ST18: variants seen among roughly 807,000 people sequenced by gnomAD.
The protein encoded by ST18 is suppression of tumorigenicity 18 protein.
Under a neutral mutation model 110.0 loss-of-function variants are expected in ST18, and 50 were observed. The observed-to-expected ratio is 0.45, with a 90% CI of 0.36 to 0.58. The LOEUF (loss-of-function observed/expected upper bound fraction) is 0.58. ST18 is among the 20% of genes least tolerant of loss of function. ST18 has a pLI of 0.00. For missense variants in ST18, 1,306 were observed against 1,280.1 expected (o/e 1.02, Z -0.31); for synonymous variants, 461 against 452.4 (o/e 1.02, Z -0.24).
chr8:52,125,296 C>G (rs2046569845), intron 23 of ST18, among the ~76,000 whole-genome samples: 1 of 151,988 alleles, frequency 6.6e-6, no homozygotes, highest in African/African-American at 2.4e-5. Context: ...TCATGTTGGG[C>G]ACAGAAGAAC....
intron 8 of ST18, among the ~76,000 whole-genome samples, chr8:52,182,083 C>A (rs2069907885): frequency 6.6e-6 from 1 of 152,142 alleles, no homozygotes; most frequent in Non-Finnish European, 1.5e-5. Context: ...AAGCCATTAT[C>A]ATGAGCCAAG....
At chr8:52,366,832 G>A (rs1196223925) in intron 2 of ST18, among the ~76,000 whole-genome samples, 1 of 152,232 alleles carries the variant, frequency 6.6e-6, no homozygotes, top group Non-Finnish European at 1.5e-5. Context: ...TTCAGGGACT[G>A]TGTGTCATTC....
intron 2 of ST18, among the ~76,000 whole-genome samples, chr8:52,284,207 G>C (rs2139208696): frequency 6.6e-6 from 1 of 152,318 alleles, no homozygotes; most frequent in East Asian, 1.9e-4. Context: ...TGTGTGCAAA[G>C]GATGTTACAG....
chr8:52,375,452 T>A (rs989198906), intron 2 of ST18, among the ~76,000 whole-genome samples: 2 of 109,490 alleles, frequency 1.8e-5, no homozygotes, highest in Admixed American at 2.3e-4. Context: ...AGAAGCAGCA[T>A]CTGACCCAGC....
chr8:52,124,200 G>C (rs1416189947), intron 23 of ST18, among the ~76,000 whole-genome samples: 1 of 151,002 alleles, frequency 6.6e-6, no homozygotes, highest in Non-Finnish European at 1.5e-5. Flanking sequence ...TTTTGAGACA[G>C]AGTCTCACTC....
intron 19 of ST18, among the ~76,000 whole-genome samples, chr8:52,133,720 AT>A (rs1221213101): frequency 2.1e-4 from 31 of 147,772 alleles, no homozygotes; most frequent in African/African-American, 7.4e-4. Context: ...AATTATTATT[AT>A]TATTATTATT....
chr8:52,272,788 T>C (rs1206183846), intron 2 of ST18, among the ~76,000 whole-genome samples: 1 of 152,172 alleles, frequency 6.6e-6, no homozygotes. Context: ...TTATTCACCA[T>C]AGTTAAGATG....
chr8:52,367,348 G>A (rs913592507), intron 2 of ST18, among the ~76,000 whole-genome samples: 2 of 151,216 alleles, frequency 1.3e-5, no homozygotes, highest in African/African-American at 4.9e-5. Context: ...CTTGAACCCG[G>A]GAGGCGGAGG....
At chr8:52,354,018 A>T (rs572391309) in intron 2 of ST18, among the ~76,000 whole-genome samples, 1 of 152,184 alleles carries the variant, frequency 6.6e-6, no homozygotes, top group Non-Finnish European at 1.5e-5. Context: ...CGTCTTCCGA[A>T]TCCAGGCCTT....
At chr8:52,248,331 G>C (rs1018200530) in intron 2 of ST18, 1 of 152,076 alleles carries the variant, frequency 6.6e-6, no homozygotes, top group Admixed American at 6.5e-5. Context: ...ATTGAATACT[G>C]ATACTGATAT....
At chr8:52,243,241 G>T (rs1333128475) in intron 2 of ST18, among the ~76,000 whole-genome samples, 1 of 152,154 alleles carries the variant, frequency 6.6e-6, no homozygotes, top group African/African-American at 2.4e-5. Flanking sequence ...ATTTTAAAAA[G>T]TTCATGGAGT....
intron 2 of ST18, among the ~76,000 whole-genome samples, chr8:52,281,164 A>G (rs1336505931): frequency 6.6e-6 from 1 of 152,150 alleles, no homozygotes; most frequent in Non-Finnish European, 1.5e-5. Context: ...GAGATATAGG[A>G]AATGTTCTCT....
intron 2 of ST18, among the ~76,000 whole-genome samples, chr8:52,284,851 A>C (rs1425126561): frequency 6.6e-6 from 1 of 151,902 alleles, no homozygotes; most frequent in Non-Finnish European, 1.5e-5. Context: ...TTAATTATGC[A>C]TTGGCTCATT....
intron 2 of ST18, among the ~76,000 whole-genome samples, chr8:52,354,300 A>G (rs1821701846): frequency 6.6e-6 from 1 of 152,232 alleles, no homozygotes; most frequent in Non-Finnish European, 1.5e-5. Flanking sequence ...AGGCTCTAGC[A>G]GCAATCAGAT....
chr8:52,341,499 A>T (rs1249739889), intron 2 of ST18, among the ~76,000 whole-genome samples: 2 of 152,218 alleles, frequency 1.3e-5, no homozygotes, highest in Non-Finnish European at 2.9e-5. Flanking sequence ...CTTGCATGGC[A>T]AAGGGCAATC....
chr8:52,179,312 C>G (rs2068384704), intron 9 of ST18, among the ~76,000 whole-genome samples: 1 of 152,136 alleles, frequency 6.6e-6, no homozygotes, highest in Non-Finnish European at 1.5e-5. Context: ...AAAAAGAAAT[C>G]CTAAAGTTTT....
At chr8:52,208,107 C>A (rs1588474624) in intron 8 of ST18, among the ~76,000 whole-genome samples, 1 of 151,974 alleles carries the variant, frequency 6.6e-6, no homozygotes, top group Admixed American at 6.6e-5. Flanking sequence ...TAGCTGACAT[C>A]GAGTATAATA....
chr8:52,205,861 C>G (rs2079836207), intron 8 of ST18, among the ~76,000 whole-genome samples: 1 of 152,190 alleles, frequency 6.6e-6, no homozygotes, highest in South Asian at 2.1e-4. Flanking sequence ...AGCCACTACG[C>G]CCGGCCAGTG....
chr8:52,339,371 C>T (rs936614440), intron 2 of ST18, among the ~76,000 whole-genome samples: 1 of 152,236 alleles, frequency 6.6e-6, no homozygotes, highest in African/African-American at 2.4e-5. Context: ...GGGCTCAGGA[C>T]ATTCGGTCAG....
Sources: gnomAD v4.1 joint callset for allele counts (sites outside exome capture counted in the v4.1 genomes callset) on GRCh38, gnomAD v4.1.1 for gene constraint, MANE v1.5 for transcripts, NCBI Gene and HGNC (gene_info 2026-07-23, HGNC 2026-07-21) for gene names.